The following RALYL variants were observed in gnomAD, a reference collection of about 807,000 sequenced individuals.
RALYL encodes RNA-binding Raly-like protein.
A neutral mutation model predicts 35.1 loss-of-function variants in RALYL; 29 were observed. That is an observed-to-expected ratio of 0.83 (90% CI 0.61 to 1.13). The LOEUF (loss-of-function observed/expected upper bound fraction) is 1.13. Ranked by LOEUF, RALYL falls within the 50% of genes most tolerant of loss-of-function variation. The pLI, the probability that RALYL is intolerant of heterozygous loss-of-function variation, is 0.00. For missense variants in RALYL, 359 were observed against 360.4 expected, an observed-to-expected ratio of 1.00 and a Z score of 0.03; for synonymous variants, 120 against 127.6, an observed-to-expected ratio of 0.94 and a Z score of 0.40.
At chr8:84,281,639 A>G (rs1836585235) in intron 1 of RALYL, among the ~76,000 whole-genome samples, 1 of 152,136 alleles carries the variant, frequency 6.6e-6, no homozygotes, top group Non-Finnish European at 1.5e-5. Context: ...CCAGATATCC[A>G]TCCCCAAACT....
chr8:84,618,114 A>G (rs1820291647), intron 2 of RALYL, among the ~76,000 whole-genome samples: 1 of 151,778 alleles, frequency 6.6e-6, no homozygotes, highest in Non-Finnish European at 1.5e-5. Flanking sequence ...TCATAAAATG[A>G]GTTAGGGAGG....
At position 84,602,882 on chromosome 8, in the gene RALYL, T is replaced by TA. The variant is rs534984411; in HGVS notation, c.256+73307dup. On this transcript the variant is annotated intron_variant, in intron 2 of 8. Coordinates refer to ENST00000521268, the MANE Select transcript of RALYL (RefSeq NM_173848.7). ...GAAAATAGATTTCTGTCTTTGAGAA[T>TA]AATGGTAGGGGAGAGTGATTTATAT... 1.9e-3 allele frequency among the ~76,000 whole-genome samples: 291 copies of TA among 152,190 alleles called. 2 individuals are homozygous for TA. Among genetic ancestry groups the TA allele is most frequent in the Non-Finnish European group, 3.5e-3 (241 of 68,002 alleles).
At chr8:84,620,844 T>G (rs1015342001) in intron 2 of RALYL, among the ~76,000 whole-genome samples, 5 of 152,160 alleles carry the variant, frequency 3.3e-5, no homozygotes, top group Non-Finnish European at 5.9e-5. Context: ...TCTGCTGGAG[T>G]ACCCTGCCGT....
chr8:84,821,905 G>GTT (rs1211532718), intron 4 of RALYL, among the ~76,000 whole-genome samples: 2 of 152,060 alleles, frequency 1.3e-5, no homozygotes, highest in Non-Finnish European at 2.9e-5. Context: ...AATGTTTCAT[G>GTT]TTTTTAGAAA....
At chr8:84,469,890 T>A (rs2052445269) in intron 1 of RALYL, among the ~76,000 whole-genome samples, 1 of 151,950 alleles carries the variant, frequency 6.6e-6, no homozygotes, top group Non-Finnish European at 1.5e-5. Flanking sequence ...CGGGTGGGAG[T>A]GACCCGATTT....
At chr8:84,372,236 T>A (rs1203307238) in intron 1 of RALYL, among the ~76,000 whole-genome samples, 1 of 152,008 alleles carries the variant, frequency 6.6e-6, no homozygotes, top group Admixed American at 6.6e-5. Context: ...TTAGTGAACA[T>A]CTGTGACTGG....
At chr8:84,455,697 A>G (rs1472936345) in intron 1 of RALYL, among the ~76,000 whole-genome samples, 1 of 152,068 alleles carries the variant, frequency 6.6e-6, no homozygotes, top group African/African-American at 2.4e-5. Context: ...CTTAAACATT[A>G]ACAAATCAAT....
intron 2 of RALYL, among the ~76,000 whole-genome samples, chr8:84,732,855 C>T (rs1846507005): frequency 6.6e-6 from 1 of 151,726 alleles, no homozygotes; most frequent in Non-Finnish European, 1.5e-5. Context: ...ACCACCACGC[C>T]TGGCTAATTT....
chr8:84,479,411 T>C (rs1024900559), intron 1 of RALYL, among the ~76,000 whole-genome samples: 5 of 152,200 alleles, frequency 3.3e-5, no homozygotes, highest in Non-Finnish European at 5.9e-5. Context: ...AACCATTTTA[T>C]TAACCATGAA....
At chr8:84,766,610 G>A (rs972335446) in intron 2 of RALYL, among the ~76,000 whole-genome samples, 1 of 149,316 alleles carries the variant, frequency 6.7e-6, no homozygotes, top group African/African-American at 2.5e-5. Flanking sequence ...TGTAATCCCA[G>A]CTACTTGGGA....
intron 6 of RALYL, among the ~76,000 whole-genome samples, chr8:84,865,892 G>C (rs1285606971): frequency 2.6e-5 from 4 of 152,130 alleles, no homozygotes; most frequent in African/African-American, 9.7e-5. Flanking sequence ...GGAAATTAAA[G>C]ACAATTCAAT....
At chr8:84,263,845 A>G (rs1832763744) in intron 1 of RALYL, among the ~76,000 whole-genome samples, 1 of 152,116 alleles carries the variant, frequency 6.6e-6, no homozygotes, top group Non-Finnish European at 1.5e-5. Flanking sequence ...TCTCCCACTT[A>G]TAAGTGAGAA....
At chr8:84,475,579 T>A (rs539391088) in intron 1 of RALYL, among the ~76,000 whole-genome samples, 1 of 152,340 alleles carries the variant, frequency 6.6e-6, no homozygotes, top group Admixed American at 6.5e-5. Context: ...TGTTTAGACA[T>A]ACACCAAAGA....
chr8:84,625,002 A>T (rs1043938675), intron 2 of RALYL, among the ~76,000 whole-genome samples: 5 of 152,342 alleles, frequency 3.3e-5, no homozygotes, highest in Admixed American at 3.3e-4. Flanking sequence ...AAAGTCACAG[A>T]GTACACAGAA....
chr8:84,460,508 G>A (rs2050640153), intron 1 of RALYL, among the ~76,000 whole-genome samples: 1 of 151,530 alleles, frequency 6.6e-6, no homozygotes, highest in African/African-American at 2.4e-5. Flanking sequence ...AACTCTTTAT[G>A]GATGTAAAAT....
chr8:84,642,668 A>C (rs1826623581), intron 2 of RALYL, among the ~76,000 whole-genome samples: 1 of 152,074 alleles, frequency 6.6e-6, no homozygotes, highest in Non-Finnish European at 1.5e-5. Flanking sequence ...GAGGATGACA[A>C]ACTCGGGCTA....
At chr8:84,717,310 G>A (rs538496779) in intron 2 of RALYL, among the ~76,000 whole-genome samples, 1 of 152,130 alleles carries the variant, frequency 6.6e-6, no homozygotes, top group Non-Finnish European at 1.5e-5. Flanking sequence ...TTGTTTATCA[G>A]GTTAAAGATG....
At chr8:84,899,847 T>C (rs1246723271) in intron 8 of RALYL, among the ~76,000 whole-genome samples, 1 of 152,172 alleles carries the variant, frequency 6.6e-6, no homozygotes, top group Non-Finnish European at 1.5e-5. Flanking sequence ...AGACTTCCTC[T>C]CACTCCTGAT....
intron 1 of RALYL, among the ~76,000 whole-genome samples, chr8:84,446,397 A>C (rs2048861229): frequency 6.6e-6 from 1 of 152,050 alleles, no homozygotes; most frequent in African/African-American, 2.4e-5. Context: ...AAAAAGGAAA[A>C]ATACAGAATC....
Sources: allele counts gnomAD v4.1 joint callset (sites outside exome capture counted in the v4.1 genomes callset), GRCh38; gene constraint gnomAD v4.1.1; transcripts MANE v1.5; gene names NCBI Gene and HGNC (gene_info 2026-07-23, HGNC 2026-07-21).